The following CACNG5 variants were observed in gnomAD, a reference collection of about 807,000 sequenced individuals.
CACNG5 encodes voltage-dependent calcium channel gamma-5 subunit.
Under a neutral mutation model 24.8 loss-of-function variants are expected in CACNG5, and 18 were observed. That is an observed-to-expected ratio of 0.73 (90% confidence interval 0.50 to 1.08). The LOEUF is 1.08. Among genes scored for constraint, CACNG5 ranks in the 50% least tolerant of loss-of-function variants. The pLI, the probability that CACNG5 is intolerant of heterozygous loss-of-function variation, is 0.00. For synonymous variants in CACNG5, 157 were observed against 149.1 expected (o/e 1.05, Z -0.39); for missense variants, 349 against 367.9 (o/e 0.95, Z 0.42).
chr17:66,843,197 G>A (rs551742967), intron 1 of CACNG5, among the ~76,000 whole-genome samples: 1 of 152,322 alleles, frequency 6.6e-6, no homozygotes, highest in South Asian at 2.1e-4. Context: ...TCCCATGGTT[G>A]ATAAGCGGCA....
chr17:66,877,483 A>T lies in CACNG5; in HGVS notation c.151A>T (p.Lys51Ter), dbSNP rs1368736770. The change falls in exon 2 of 6, where the codon AAG (lysine) becomes TAG (stop). Residue 51 changes from lysine to a stop codon, truncating the protein, a stop_gained. Coordinates refer to ENST00000533854, the MANE Select transcript of CACNG5 (RefSeq NM_145811.3). LOFTEE classifies it high-confidence loss of function. Reference sequence around the variant, plus strand: ...GCCCCAGAACCAGAGCACCGAGATCAAGATGTCCCTGCACTCAGGCCTCTG... The same window carrying T: ...GCCCCAGAACCAGAGCACCGAGATCTAGATGTCCCTGCACTCAGGCCTCTG... Reference protein sequence around the residue: ...IVPQNQSTEIKMSLHSGLWRV... With the variant: ...IVPQNQSTEI 6.2e-7 allele frequency: 1 copy of T among 1,613,848 alleles called. No individual in the cohort carries two copies. Among genetic ancestry groups the T allele is most frequent in the Non-Finnish European group, 8.5e-7 (1 of 1,179,980 alleles).
intron 3 of CACNG5, among the ~76,000 whole-genome samples, chr17:66,880,040 T>A (rs1002621303): frequency 2.4e-4 from 36 of 152,108 alleles, no homozygotes; most frequent in Non-Finnish European, 4.4e-4. Context: ...TTCCAAGAAT[T>A]TAGAGGTGAT....
At chr17:66,878,433 G>A (rs527385921) in intron 2 of CACNG5, among the ~76,000 whole-genome samples, 1 of 152,246 alleles carries the variant, frequency 6.6e-6, no homozygotes, top group African/African-American at 2.4e-5. Context: ...GTATTTAGCA[G>A]AGAAGACACC....
At position 66,841,803 on chromosome 17, in the gene CACNG5, T is replaced by C. The variant is rs1022169002; in HGVS notation, c.-104+6553T>C. Among the ~76,000 whole-genome samples, 3 of 152,210 alleles carry C rather than the reference T, an allele frequency of 2.0e-5. No individual in the cohort carries two copies. The South Asian group carries it at 6.2e-4, about 32-fold the overall frequency. On this transcript the variant is annotated intron_variant, in intron 1 of 5. Transcript: ENST00000533854. ...ATTCATCTTCTCCACAATCTATTTC[T>C]GGAACGTCTGCTCTGTGTCAAGGGT...
rs942268485 is a variant in CACNG5 at position 66,891,081 on chromosome 17, G to T, written c.*5841G>T. ...GAGTGGGTAGCAAGATGGCAACAGT[G>T]ATTCCAAACATCCTATCAAGATGCA... On this transcript the variant is annotated 3_prime_UTR_variant, in exon 6 of 6. Transcript: ENST00000533854. Among the ~76,000 whole-genome samples the T allele has an allele frequency of 1.3e-5, 2 of 152,180 alleles. No individual in the cohort carries two copies. Among genetic ancestry groups the T allele is most frequent in the Non-Finnish European group, 2.9e-5 (2 of 68,026 alleles).
At chr17:66,874,975 A>C (rs1307740579) in intron 1 of CACNG5, among the ~76,000 whole-genome samples, 1 of 152,152 alleles carries the variant, frequency 6.6e-6, no homozygotes, top group Non-Finnish European at 1.5e-5. Flanking sequence ...AAATACTATC[A>C]GTACAACGTC....
At chr17:66,874,515 A>C (rs1199362955) in intron 1 of CACNG5, among the ~76,000 whole-genome samples, 5 of 152,170 alleles carry the variant, frequency 3.3e-5, no homozygotes, top group Non-Finnish European at 5.9e-5. Context: ...AGAAAACCTG[A>C]GGCTTTATAA....
At chr17:66,868,645 GACACC>G (rs1453726094) in intron 1 of CACNG5, among the ~76,000 whole-genome samples, 1 of 152,144 alleles carries the variant, frequency 6.6e-6, no homozygotes, top group Non-Finnish European at 1.5e-5. Flanking sequence ...GGACTGTAAT[GACACC>G]TAGAGGTCTC....
At chr17:66,884,400 T>C (rs1568073897) in intron 4 of CACNG5, 116 bp from the exon 5 acceptor site, 2 of 1,077,840 alleles carry the variant, frequency 1.9e-6, no homozygotes, top group African/African-American at 1.6e-5. Flanking sequence ...ACTGAGAGCA[T>C]TGTTACCCCA....
intron 1 of CACNG5, among the ~76,000 whole-genome samples, chr17:66,858,669 G>A (rs1976813876): frequency 6.6e-6 from 1 of 151,328 alleles, no homozygotes; most frequent in Non-Finnish European, 1.5e-5. Flanking sequence ...AGGGCAAGCT[G>A]CAGCCCCCCC....
At chr17:66,848,079 G>C (rs191532574) in intron 1 of CACNG5, among the ~76,000 whole-genome samples, 1 of 152,138 alleles carries the variant, frequency 6.6e-6, no homozygotes, top group Non-Finnish European at 1.5e-5. Context: ...CCTTCATGTC[G>C]GGACAACCTC....
chr17:66,846,403 C>A (rs938309762), intron 1 of CACNG5, among the ~76,000 whole-genome samples: 1 of 152,146 alleles, frequency 6.6e-6, no homozygotes, highest in African/African-American at 2.4e-5. Context: ...TTCCCAAGGC[C>A]CTGGCAACCT....
At chr17:66,868,060 G>A (rs796150906) in intron 1 of CACNG5, among the ~76,000 whole-genome samples, 4 of 152,318 alleles carry the variant, frequency 2.6e-5, no homozygotes, top group African/African-American at 9.6e-5. Flanking sequence ...TTATGCCCAT[G>A]CCTTTGGGGA....
At chr17:66,845,263 A>G (rs1323584000) in intron 1 of CACNG5, among the ~76,000 whole-genome samples, 2 of 152,060 alleles carry the variant, frequency 1.3e-5, no homozygotes, top group Non-Finnish European at 2.9e-5. Context: ...GGACGTAGGG[A>G]GGGGAATATC....
chr17:66,849,832 C>T (rs895403511), intron 1 of CACNG5, among the ~76,000 whole-genome samples: 2 of 152,214 alleles, frequency 1.3e-5, no homozygotes, highest in Admixed American at 6.5e-5. Context: ...ACCTCTGTGA[C>T]GTATCCTTTC....
At chr17:66,881,312 T>C (rs2143122506) in intron 4 of CACNG5, among the ~76,000 whole-genome samples, 1 of 152,270 alleles carries the variant, frequency 6.6e-6, no homozygotes, top group South Asian at 2.1e-4. Flanking sequence ...ATTCCCACCA[T>C]CTTGAGTATT....
chr17:66,882,661 G>A (rs1429991278), intron 4 of CACNG5, among the ~76,000 whole-genome samples: 1 of 152,138 alleles, frequency 6.6e-6, no homozygotes, highest in Non-Finnish European at 1.5e-5. Context: ...AGGTGCCCCG[G>A]ATGACTGACT....
rs73994684 is a variant in CACNG5 at position 66,890,498 on chromosome 17, G to A, written c.*5258G>A. On this transcript the variant is annotated 3_prime_UTR_variant, in exon 6 of 6. Coordinates refer to ENST00000533854, the MANE Select transcript of CACNG5 (RefSeq NM_145811.3). ...CTCACATCCCTGAACCAGGATCCTG[G>A]ACCTCTGCTCTGTGACCTTGGACAT... Among the ~76,000 whole-genome samples the A allele has an allele frequency of 7.5e-3, 1,138 of 152,322 alleles. 11 individuals are homozygous for A. The highest frequency in any genetic ancestry group is 0.026 in the African/African-American group (1,075 of 41,564).
intron 1 of CACNG5, among the ~76,000 whole-genome samples, chr17:66,859,839 C>T (rs1384394319): frequency 3.3e-5 from 5 of 152,006 alleles, no homozygotes; most frequent in Admixed American, 6.6e-5. Context: ...CCTTCTCCTC[C>T]CCCTTCCCCT....
Sources: allele counts gnomAD v4.1 joint callset (sites outside exome capture counted in the v4.1 genomes callset), GRCh38; gene constraint gnomAD v4.1.1; transcripts MANE v1.5; gene names NCBI Gene and HGNC (gene_info 2026-07-23, HGNC 2026-07-21).